The following COL6A2 variants were observed in gnomAD, a reference collection of about 807,000 sequenced individuals.
The protein encoded by COL6A2 is collagen type VI alpha 2 chain.
COL6A2 carries 90 observed loss-of-function variants against 124.9 expected under a neutral mutation model. The ratio of observed to expected loss-of-function variants is 0.72; its 90% CI spans 0.61 to 0.86. The LOEUF (loss-of-function observed/expected upper bound fraction) is 0.86, where lower values mean the gene tolerates loss of function less well. Ranked by LOEUF, COL6A2 falls within the 40% of genes least tolerant of loss-of-function variation. The pLI, the probability that COL6A2 is intolerant of heterozygous loss-of-function variation, is 0.00. For synonymous variants in COL6A2, 793 were observed against 618.2 expected (o/e 1.28, Z -4.19); for missense variants, 1,607 against 1,502.5 (o/e 1.07, Z -1.15).
chr21:46,116,181 C>G lies in COL6A2; in HGVS notation c.900+128C>G. 8.5e-7 allele frequency: 1 copy of G among 1,182,578 alleles called. No individual in the cohort carries two copies. The highest frequency in any genetic ancestry group is 1.2e-6 in the Non-Finnish European group (1 of 813,920). 73.3% of individuals were successfully genotyped at this position (1,182,578 alleles called of 1,614,324 possible). A position where few individuals can be genotyped will look rare whatever the true frequency, so the allele number is the denominator to read the frequency against. On this transcript the variant is annotated intron_variant, in intron 7 of 27. Transcript: ENST00000300527. The surrounding 1 kb of genome is among the most constrained non-coding windows in gnomAD (Gnocchi z 4.6). ...CCCAGTTACCAAGGAACAGAAGCAC[C>G]TCGATAACTTGATGGCCGTCCCAAA...
At chr21:46,119,938 GAAC>G (rs1377007856) in intron 15 of COL6A2, 88 bp downstream of exon 15, 3 of 1,164,684 alleles carry the variant, frequency 2.6e-6, no homozygotes, top group East Asian at 2.6e-5. Context: ...TCCTCCCAGA[GAAC>G]AACAGAACCC....
chr21:46,117,277 G>A lies in COL6A2; in HGVS notation c.1000-123G>A, dbSNP rs556830827. Reference sequence around the variant, plus strand: ...CAGCCGTGGCCTCATGTGGGCACCCGTGTGCCAGGAGGAGAGCGCTGCAGC... The same window carrying A: ...CAGCCGTGGCCTCATGTGGGCACCCATGTGCCAGGAGGAGAGCGCTGCAGC... On this transcript the variant is annotated intron_variant, in intron 10 of 27. Transcript: ENST00000300527. 8.9e-5 allele frequency: 88 copies of A among 985,142 alleles called. No homozygotes were observed. The East Asian group carries it at 2.0e-3, about 23-fold the overall frequency. 61.0% of individuals were successfully genotyped at this position (985,142 alleles called of 1,614,324 possible). A position where few individuals can be genotyped will look rare whatever the true frequency, so the allele number is the denominator to read the frequency against.
intron 27 of COL6A2, among the ~76,000 whole-genome samples, chr21:46,131,062 G>A (rs1467811604): frequency 6.6e-6 from 1 of 152,164 alleles, no homozygotes; most frequent in Non-Finnish European, 1.5e-5. Flanking sequence ...CATTCCTGGG[G>A]GTCCATGTAC....
Position 46,116,181 on chromosome 21 carries a change from C to A in COL6A2, c.900+128C>A. On this transcript the variant is annotated intron_variant, in intron 7 of 27. Transcript: ENST00000300527. The surrounding 1 kb of genome is among the most constrained non-coding windows in gnomAD (Gnocchi z 4.6). ...CCCAGTTACCAAGGAACAGAAGCACCTCGATAACTTGATGGCCGTCCCAAA... is the reference window on the plus strand; with the variant it reads ...CCCAGTTACCAAGGAACAGAAGCACATCGATAACTTGATGGCCGTCCCAAA... 1 of 1,182,576 alleles carries A rather than the reference C, an allele frequency of 8.5e-7. No homozygotes were observed. Among genetic ancestry groups the A allele is most frequent in the African/African-American group, 1.5e-5 (1 of 65,788 alleles). 73.3% of individuals were successfully genotyped at this position (1,182,576 alleles called of 1,614,324 possible). A position where few individuals can be genotyped will look rare whatever the true frequency, so the allele number is the denominator to read the frequency against.
At chr21:46,122,747 A>T in intron 20 of COL6A2, 128 bp from the exon 21 acceptor site, 1 of 1,096,058 alleles carries the variant, frequency 9.1e-7, no homozygotes, top group Non-Finnish European at 1.4e-6. Flanking sequence ...TTTGCAAAAA[A>T]ACCACATAGA....
chr21:46,128,897 G>A (rs1159075960), intron 27 of COL6A2: 2 of 1,609,778 alleles, frequency 1.2e-6, no homozygotes, highest in South Asian at 1.1e-5. Context: ...CCTGTCTCCG[G>A]CACAGGTTTG....
intron 1 of COL6A2, among the ~76,000 whole-genome samples, chr21:46,107,376 C>G (rs1181815239): frequency 1.3e-5 from 2 of 152,082 alleles, no homozygotes; most frequent in African/African-American, 4.8e-5. Flanking sequence ...TTCCATCTGA[C>G]TCTGGCATGA....
chr21:46,131,844 C>T (rs1294907235), intron 27 of COL6A2, 110 bp from the exon 28 acceptor site: 3 of 1,039,716 alleles, frequency 2.9e-6, no homozygotes, highest in African/African-American at 3.2e-5. Flanking sequence ...GCCCAGTGGT[C>T]TGTGAGGTTG....
intron 27 of COL6A2, 40 bp downstream of exon 27, chr21:46,126,581 A>T (rs1213083996): frequency 6.2e-7 from 1 of 1,612,074 alleles, no homozygotes; most frequent in Non-Finnish European, 8.5e-7. Context: ...CAGACTAGCA[A>T]AGCAGCCCTG....
chr21:46,131,258 G>T (rs953062288), intron 27 of COL6A2, among the ~76,000 whole-genome samples: 1 of 152,222 alleles, frequency 6.6e-6, no homozygotes, highest in Non-Finnish European at 1.5e-5. Flanking sequence ...ACGTGTGGTA[G>T]GCAGCCTGGC....
Position 46,132,607 on chromosome 21 carries a change from C to T in COL6A2, c.*55C>T, listed in dbSNP as rs892887948. The T allele has an allele frequency of 4.7e-6, 7 of 1,504,588 alleles. No individual in the cohort carries two copies. The highest frequency in any genetic ancestry group is 4.1e-5 in the African/African-American group (3 of 72,572). 93.2% of individuals were successfully genotyped at this position (1,504,588 alleles called of 1,614,324 possible). A position where few individuals can be genotyped will look rare whatever the true frequency, so the allele number is the denominator to read the frequency against. ...TCGTGAGCCCACCCCGTCCATGGTGCTAAGCGGGCCCGGGTCCCACACGGC... is the reference window on the plus strand; with the variant it reads ...TCGTGAGCCCACCCCGTCCATGGTGTTAAGCGGGCCCGGGTCCCACACGGC... On this transcript the variant is annotated 3_prime_UTR_variant, in exon 28 of 28. Transcript: ENST00000300527.
Position 46,119,149 on chromosome 21 carries a change from C to T in COL6A2, c.1269+30C>T, listed in dbSNP as rs546108426. On this transcript the variant is annotated intron_variant, in intron 14 of 27. Coordinates refer to ENST00000300527, the MANE Select transcript of COL6A2 (RefSeq NM_001849.4). Reference sequence around the variant, plus strand: ...GTCCCTCCTGCCCCTGCCTCAGGGCCCCGCTCTGGGCATCCTCCTTGCAGC... The same window carrying T: ...GTCCCTCCTGCCCCTGCCTCAGGGCTCCGCTCTGGGCATCCTCCTTGCAGC... The T allele has an allele frequency of 3.2e-5, 49 of 1,546,158 alleles. No individual in the cohort carries two copies. In the African/African-American group the frequency reaches 6.2e-4, roughly 20 times the overall value.
At chr21:46,123,427 A>G (rs915091334) in intron 21 of COL6A2, among the ~76,000 whole-genome samples, 1 of 151,840 alleles carries the variant, frequency 6.6e-6, no homozygotes, top group Non-Finnish European at 1.5e-5. Context: ...TGTGCCTCCA[A>G]ATCCCTAGCC....
intron 27 of COL6A2, among the ~76,000 whole-genome samples, chr21:46,130,543 C>G (rs1022639113): frequency 3.3e-5 from 5 of 152,020 alleles, no homozygotes; most frequent in South Asian, 2.1e-4. Flanking sequence ...GGATCCTCCA[C>G]AGGAGGAGGA....
At chr21:46,128,725 A>G (rs2078712990) in intron 27 of COL6A2, among the ~76,000 whole-genome samples, 2 of 152,244 alleles carry the variant, frequency 1.3e-5, no homozygotes, top group South Asian at 4.1e-4. Context: ...TGCAGAGGCC[A>G]GGTCTGCTCA....
At chr21:46,130,336 G>T (rs2078744756) in intron 27 of COL6A2, among the ~76,000 whole-genome samples, 1 of 152,214 alleles carries the variant, frequency 6.6e-6, no homozygotes, top group South Asian at 2.1e-4. Flanking sequence ...GGTCCACAAT[G>T]TTGGGGAGCG....
rs975180832 is a variant in COL6A2 at position 46,119,841 on chromosome 21, G to C, written c.1323G>C (p.Lys441Asn). ...TKGSPGSDGP[K>N]GEKGDPGPEG... Reference sequence around the variant, plus strand: ...GCAGCCCAGGCAGCGATGGCCCCAAGGGGGAGAAGGTGAGTCCTCGTGTGG... The same window carrying C: ...GCAGCCCAGGCAGCGATGGCCCCAACGGGGAGAAGGTGAGTCCTCGTGTGG... The change falls in exon 15 of 28, where the codon AAG becomes AAC. Residue 441 changes from lysine (K) to asparagine (N), a missense_variant. Physicochemically the swap from Lys to Asn is moderately conservative, Grantham distance 94 (BLOSUM62 0). Around this residue, in one of 3 missense-constraint regions of COL6A2, gnomAD observed 1,223 missense variants for 1,052.2 expected, o/e 1.16. Coordinates refer to ENST00000300527, the MANE Select transcript of COL6A2 (RefSeq NM_001849.4). 6.4e-7 allele frequency: 1 copy of C among 1,559,532 alleles called. No individual in the cohort carries two copies. The highest frequency in any genetic ancestry group is 1.2e-5 in the South Asian group (1 of 84,792).
At chr21:46,125,639 G>A (rs1568939837) in intron 25 of COL6A2, 22 bp downstream of exon 25, 1 of 1,603,490 alleles carries the variant, frequency 6.2e-7, no homozygotes, top group Admixed American at 1.7e-5. Flanking sequence ...AGGGGCGGGT[G>A]CAGCATTGCG....
At chr21:46,129,578 G>A (rs1181790567) in intron 27 of COL6A2, 4 of 1,452,072 alleles carry the variant, frequency 2.8e-6, no homozygotes, top group Admixed American at 2.7e-5. Context: ...TCTCAGTGGA[G>A]GCCAGAGATC....
Sources: allele counts gnomAD v4.1 joint callset (sites outside exome capture counted in the v4.1 genomes callset), GRCh38; gene constraint gnomAD v4.1.1; regional missense constraint gnomAD v4.1.1; non-coding constraint Gnocchi (gnomAD v3.1); transcripts MANE v1.5; gene names NCBI Gene and HGNC (gene_info 2026-07-23, HGNC 2026-07-21).